Variants in TRPC3 observed in about 807,000 individuals in gnomAD.
TRPC3 encodes transient receptor potential cation channel subfamily C member 3.
Under a neutral mutation model 90.9 loss-of-function variants are expected in TRPC3, and 54 were observed. That is an observed-to-expected ratio of 0.59 (90% confidence interval 0.48 to 0.75). TRPC3 has a LOEUF of 0.75. Ranked by LOEUF, TRPC3 falls within the 30% of genes least tolerant of loss-of-function variation. TRPC3 has a pLI of 0.00. For missense variants in TRPC3, 918 were observed against 1,194.5 expected, an observed-to-expected ratio of 0.77 and a Z score of 3.41; for synonymous variants, 424 against 450.9, an observed-to-expected ratio of 0.94 and a Z score of 0.75.
chr4:121,948,919 A>T (rs1329534334), intron 1 of TRPC3, among the ~76,000 whole-genome samples: 1 of 151,162 alleles, frequency 6.6e-6, no homozygotes, highest in South Asian at 2.1e-4. Flanking sequence ...TTACAGCATA[A>T]CTGCTCATGC....
chr4:121,920,091 G>A (rs1322570830), intron 3 of TRPC3, among the ~76,000 whole-genome samples: 1 of 152,084 alleles, frequency 6.6e-6, no homozygotes, highest in Non-Finnish European at 1.5e-5. Context: ...TAATTTTCTT[G>A]TACCCATTTT....
intron 1 of TRPC3, among the ~76,000 whole-genome samples, chr4:121,949,546 C>T (rs1730612019): frequency 6.6e-6 from 1 of 152,104 alleles, no homozygotes; most frequent in African/African-American, 2.4e-5. Flanking sequence ...GAAACAGTGG[C>T]CGGATTCTCC....
At chr4:121,884,379 C>T (rs1334536233) in intron 10 of TRPC3, among the ~76,000 whole-genome samples, 1 of 152,030 alleles carries the variant, frequency 6.6e-6, no homozygotes, top group African/African-American at 2.4e-5. Context: ...TAAGTAGAGG[C>T]AATGGACGGA....
intron 2 of TRPC3, among the ~76,000 whole-genome samples, chr4:121,926,889 T>C (rs1000598980): frequency 1.3e-5 from 2 of 152,224 alleles, no homozygotes; most frequent in African/African-American, 4.8e-5. Flanking sequence ...CCAGCCCACA[T>C]GTCCTGATTT....
chr4:121,887,978 A>G (rs149586057), intron 10 of TRPC3, among the ~76,000 whole-genome samples: 7 of 148,724 alleles, frequency 4.7e-5, no homozygotes, highest in Non-Finnish European at 7.4e-5. Context: ...AAATACCACT[A>G]TTGATCAAAA....
At chr4:121,901,797 T>A (rs1728709050) in intron 9 of TRPC3, among the ~76,000 whole-genome samples, 1 of 152,192 alleles carries the variant, frequency 6.6e-6, no homozygotes, top group Non-Finnish European at 1.5e-5. Flanking sequence ...AGGTCTAATG[T>A]CGAAGCTCTC....
intron 8 of TRPC3, 55 bp from the exon 9 acceptor site, chr4:121,903,116 A>T: frequency 3.4e-6 from 5 of 1,480,996 alleles, no homozygotes; most frequent in Non-Finnish European, 4.5e-6. Flanking sequence ...TATTCTAGTG[A>T]CTGTTGCTAA....
At chr4:121,897,702 T>C (rs1307198987) in intron 10 of TRPC3, among the ~76,000 whole-genome samples, 1 of 151,652 alleles carries the variant, frequency 6.6e-6, no homozygotes, top group Non-Finnish European at 1.5e-5. Context: ...ATGTTGTTGA[T>C]GGGAATGTAA....
In TRPC3 at chr4:121,876,345, C is replaced by T. The variant is rs1462661503; in HGVS notation, c.*3391G>A. The stretch of plus-strand genomic sequence containing the variant: ...AAGACATGGAAAGAAAGATTACCAC[C>T]TTGGATGATGACATTAACCTCCTAA... On this transcript the variant is annotated 3_prime_UTR_variant, in exon 12 of 12. Coordinates refer to ENST00000379645, the MANE Select transcript of TRPC3 (RefSeq NM_001130698.2). Among the ~76,000 whole-genome samples the T allele has an allele frequency of 6.6e-6, 1 of 152,002 alleles. No individual in the cohort carries two copies. The highest frequency in any genetic ancestry group is 1.5e-5 in the Non-Finnish European group (1 of 67,956).
rs548398953 is a variant in TRPC3, at chr4:121,929,377, C to T, written c.987+2894G>A. 1.3e-4 allele frequency among the ~76,000 whole-genome samples: 20 copies of T among 152,150 alleles called. No individual in the cohort carries two copies. In the South Asian group the frequency reaches 2.5e-3, roughly 19 times the overall value. Reference sequence around the variant, plus strand: ...GAAAACTGAGGCACAGGGAAGCAAACGCCTCTCCCTACTTCTTTATTTTTA... The same window carrying T: ...GAAAACTGAGGCACAGGGAAGCAAATGCCTCTCCCTACTTCTTTATTTTTA... On this transcript the variant is annotated intron_variant, in intron 2 of 11. Transcript: ENST00000379645.
intron 1 of TRPC3, among the ~76,000 whole-genome samples, chr4:121,934,273 G>A (rs931488790): frequency 2.0e-5 from 3 of 152,016 alleles, no homozygotes; most frequent in Non-Finnish European, 2.9e-5. Context: ...AAGCTTTTTC[G>A]GAAATTCAGA....
intron 2 of TRPC3, among the ~76,000 whole-genome samples, chr4:121,929,646 T>C (rs1026451370): frequency 6.6e-6 from 1 of 152,186 alleles, no homozygotes; most frequent in African/African-American, 2.4e-5. Context: ...CTAGAATATT[T>C]GACCTCTTAG....
Position 121,944,414 on chromosome 4 carries a change from G to T in TRPC3, c.215+7052C>A, listed in dbSNP as rs202090222. On this transcript the variant is annotated intron_variant, in intron 1 of 11. Coordinates refer to ENST00000379645, the MANE Select transcript of TRPC3 (RefSeq NM_001130698.2). ...TTGACTGCCTATTATAAACTGGGGG[G>T]TGGGGGGAGGGTGGGGGAGTAAAGG... Among the ~76,000 whole-genome samples the T allele has an allele frequency of 3.8e-5, 5 of 133,060 alleles. No homozygotes were observed. The East Asian group carries it at 1.3e-3, about 35-fold the overall frequency. 87.3% of individuals were successfully genotyped at this position (133,060 alleles called of 152,430 possible).
intron 10 of TRPC3, among the ~76,000 whole-genome samples, chr4:121,893,259 TTTTG>T (rs1272460685): frequency 3.9e-5 from 6 of 152,180 alleles, no homozygotes; most frequent in South Asian, 2.1e-4. Context: ...TGTATGTGTG[TTTTG>T]TTTGTTTGAT....
Position 121,876,581 on chromosome 4 carries a change from A to C in TRPC3, c.*3155T>G, listed in dbSNP as rs967940033. Among the ~76,000 whole-genome samples, 10 of 152,220 alleles carry C rather than the reference A, an allele frequency of 6.6e-5. No homozygotes were observed. Among genetic ancestry groups the C allele is most frequent in the African/African-American group, 2.4e-4 (10 of 41,458 alleles). On this transcript the variant is annotated 3_prime_UTR_variant, in exon 12 of 12. Coordinates refer to ENST00000379645, the MANE Select transcript of TRPC3 (RefSeq NM_001130698.2). ...ACTTGGCTTGCACATTTGAAATATA[A>C]ATATATTGACATATTGGGTAAGATA...
chr4:121,909,958 A>G (rs974729595), intron 6 of TRPC3, among the ~76,000 whole-genome samples, 196 bp downstream of exon 6: 15 of 152,288 alleles, frequency 9.8e-5, no homozygotes, highest in Non-Finnish European at 1.3e-4. Context: ...TGACTTGAAC[A>G]AGTTTACACA....
chr4:121,910,405 G>T lies in TRPC3; in HGVS notation c.1559-18C>A. 1 of 1,605,648 alleles carries T rather than the reference G, an allele frequency of 6.2e-7. No homozygotes were observed. ...CATCATTCCTGTCACAACAAATACA[G>T]AGGGTGCAGGTCAGATTTTACAGGC... On this transcript the variant is annotated intron_variant, in intron 5 of 11. Coordinates refer to ENST00000379645, the MANE Select transcript of TRPC3 (RefSeq NM_001130698.2).
intron 10 of TRPC3, among the ~76,000 whole-genome samples, chr4:121,887,617 T>C (rs1394113582): frequency 2.0e-5 from 3 of 152,174 alleles, no homozygotes; most frequent in Non-Finnish European, 2.9e-5. Flanking sequence ...CTGTATTTGT[T>C]TGGACCAAGG....
intron 10 of TRPC3, among the ~76,000 whole-genome samples, chr4:121,888,679 G>C: frequency 6.6e-6 from 1 of 151,716 alleles, no homozygotes; most frequent in East Asian, 1.9e-4. Flanking sequence ...TTACAGGCGT[G>C]AGCCACCACG....
Sources: gnomAD v4.1 joint callset for allele counts (sites outside exome capture counted in the v4.1 genomes callset) on GRCh38, gnomAD v4.1.1 for gene constraint, MANE v1.5 for transcripts, NCBI Gene and HGNC (gene_info 2026-07-23, HGNC 2026-07-21) for gene names.